The following ITFG1 variants were observed in gnomAD, a reference collection of about 807,000 sequenced individuals.
The protein encoded by ITFG1 is T-cell immunomodulatory protein.
A neutral mutation model predicts 81.8 loss-of-function variants in ITFG1; 34 were observed. The ratio of observed to expected loss-of-function variants is 0.42; its 90% CI spans 0.32 to 0.55. The LOEUF (loss-of-function observed/expected upper bound fraction) is 0.55. Ranked by LOEUF, ITFG1 falls within the 20% of genes least tolerant of loss-of-function variation. ITFG1 has a pLI of 0.17. For missense variants in ITFG1, 672 were observed against 755.4 expected (o/e 0.89, Z 1.29); for synonymous variants, 285 against 270.6 (o/e 1.05, Z -0.52).
intron 14 of ITFG1, among the ~76,000 whole-genome samples, chr16:47,169,151 A>G (rs1006689111): frequency 1.3e-5 from 2 of 152,096 alleles, no homozygotes; most frequent in Middle Eastern, 3.2e-3. Context: ...TTGAATTTGG[A>G]AAGTGTAAGT....
intron 10 of ITFG1, among the ~76,000 whole-genome samples, chr16:47,266,734 C>A (rs1038611226): frequency 6.6e-6 from 1 of 152,094 alleles, no homozygotes; most frequent in Admixed American, 6.5e-5. Context: ...CATGGCTACA[C>A]AGAAACTTAT....
rs1250031786 is a variant in ITFG1, at chr16:47,307,610, G to T, written c.1070+3630C>A. ...ATGACACAGAATGAGTTTACATCCA[G>T]GACAATATTTCTTTCTTCTTTTAAC... On this transcript the variant is annotated intron_variant, in intron 10 of 17. Transcript: ENST00000320640. Among the ~76,000 whole-genome samples the T allele has an allele frequency of 2.0e-5, 3 of 152,082 alleles. No homozygotes were observed. The East Asian group carries it at 5.8e-4, about 29-fold the overall frequency.
At chr16:47,193,308 T>C (rs865958147) in intron 14 of ITFG1, among the ~76,000 whole-genome samples, 5 of 152,152 alleles carry the variant, frequency 3.3e-5, no homozygotes, top group African/African-American at 9.6e-5. Context: ...ATCTATCCTT[T>C]ACATTTAAGT....
At chr16:47,188,530 G>A (rs987407626) in intron 14 of ITFG1, among the ~76,000 whole-genome samples, 2 of 146,140 alleles carry the variant, frequency 1.4e-5, no homozygotes, top group Admixed American at 7.1e-5. Context: ...ACCAAACACC[G>A]CATATTCTCA....
At chr16:47,439,439 G>T (rs1437430498) in intron 5 of ITFG1, among the ~76,000 whole-genome samples, 1 of 152,194 alleles carries the variant, frequency 6.6e-6, no homozygotes, top group Non-Finnish European at 1.5e-5. Context: ...CAGAGAGAAA[G>T]GTCGGGTAAC....
At chr16:47,443,717 G>C (rs1023771360) in intron 5 of ITFG1, among the ~76,000 whole-genome samples, 1 of 152,040 alleles carries the variant, frequency 6.6e-6, no homozygotes, top group Non-Finnish European at 1.5e-5. Context: ...ATGGACAGAG[G>C]AAGGGGAACA....
Position 47,443,822 on chromosome 16 carries a change from C to T in ITFG1, c.560+7574G>A, listed in dbSNP as rs145855181. On this transcript the variant is annotated intron_variant, in intron 5 of 17. Coordinates refer to ENST00000320640, the MANE Select transcript of ITFG1 (RefSeq NM_030790.5). ...AAATGACGAGTTAATGGGTGCAGCACACCAACATGGCACATGTATACATAT... is the reference window on the plus strand; with the variant it reads ...AAATGACGAGTTAATGGGTGCAGCATACCAACATGGCACATGTATACATAT... Among the ~76,000 whole-genome samples, 644 of 152,168 alleles carry T rather than the reference C, an allele frequency of 4.2e-3. 6 individuals carry two copies. Among genetic ancestry groups the T allele is most frequent in the African/African-American group, 0.015 (609 of 41,500 alleles).
Position 47,460,990 on chromosome 16 carries a change from G to C in ITFG1, c.56C>G (p.Ala19Gly). Reference sequence around the variant, plus strand: ...CCCGACTCCCAGTAGTGCAAGCCCTGCGAGGAGCGGCGAGAAGAGGGCCCA... The same window carrying C: ...CCCGACTCCCAGTAGTGCAAGCCCTCCGAGGAGCGGCGAGAAGAGGGCCCA... ...SSWALFSPLLAGLALLGVGPV... is the reference protein window; with the variant it reads ...SSWALFSPLLGGLALLGVGPV... The change falls in exon 1 of 18, where the codon GCA becomes GGA. Residue 19 changes from alanine to glycine, a missense_variant. Ala to Gly is a moderately conservative substitution (Grantham distance 60). Transcript: ENST00000320640. 6.4e-7 allele frequency: 1 copy of C among 1,573,434 alleles called. No homozygotes were observed. The highest frequency in any genetic ancestry group is 8.6e-7 in the Non-Finnish European group (1 of 1,159,956).
chr16:47,223,165 A>G (rs1433582800), intron 13 of ITFG1, among the ~76,000 whole-genome samples: 2 of 151,788 alleles, frequency 1.3e-5, no homozygotes, highest in Non-Finnish European at 2.9e-5. Flanking sequence ...CATTCAGGAC[A>G]TAGGCATGGG....
chr16:47,321,068 TG>T (rs1967440983), intron 8 of ITFG1, among the ~76,000 whole-genome samples: 1 of 152,224 alleles, frequency 6.6e-6, no homozygotes, highest in South Asian at 2.1e-4. Context: ...GAGTAGAACA[TG>T]GCATGACAGC....
intron 6 of ITFG1, among the ~76,000 whole-genome samples, chr16:47,419,437 T>A (rs898350500): frequency 6.6e-6 from 1 of 151,774 alleles, no homozygotes; most frequent in Admixed American, 6.6e-5. Flanking sequence ...TCCAGCTAAT[T>A]TTTTAGTACT....
intron 8 of ITFG1, among the ~76,000 whole-genome samples, chr16:47,348,753 A>C (rs1967900220): frequency 6.6e-6 from 1 of 152,190 alleles, no homozygotes; most frequent in Non-Finnish European, 1.5e-5. Context: ...CAAGACACAT[A>C]ATTGTTAGAT....
intron 6 of ITFG1, among the ~76,000 whole-genome samples, chr16:47,404,536 A>G (rs1476174482): frequency 6.6e-6 from 1 of 152,216 alleles, no homozygotes; most frequent in East Asian, 1.9e-4. Context: ...ACTCAATTCT[A>G]GCATGTCTCT....
rs916282624 is a variant in ITFG1 at position 47,281,765 on chromosome 16, CT to C, written c.1071-21071del. ...ATTGTTTAAAAACTAACAATCCTCT[CT>C]TTTTTTTTGTCAGTCTTGTTAGAGG... is the stretch of plus-strand genomic sequence containing the variant. On this transcript the variant is annotated intron_variant, in intron 10 of 17. Transcript: ENST00000320640. Among the ~76,000 whole-genome samples the C allele has an allele frequency of 3.8e-4, 57 of 150,726 alleles. 1 individual carries two copies. Among genetic ancestry groups the C allele is most frequent in the African/African-American group, 1.2e-3 (49 of 41,284 alleles).
chr16:47,295,354 G>C (rs1057451300), intron 10 of ITFG1, among the ~76,000 whole-genome samples: 2 of 152,060 alleles, frequency 1.3e-5, no homozygotes, highest in African/African-American at 2.4e-5. Flanking sequence ...CCTTCTCCTT[G>C]ATTTTTTGGA....
At chr16:47,238,078 C>T in intron 12 of ITFG1, 70 bp from the exon 13 acceptor site, 2 of 844,098 alleles carry the variant, frequency 2.4e-6, no homozygotes, top group South Asian at 1.6e-5. Flanking sequence ...AATTTTCTCC[C>T]TAAGATCCAT....
At position 47,201,527 on chromosome 16, in the gene ITFG1, C is replaced by T. The variant is rs187482565; in HGVS notation, c.1453+17341G>A. ...CGGCTAGGAGAAAATTTTTATTTTG[C>T]CCTTATTTAGAACTAAAAATATCTT... On this transcript the variant is annotated intron_variant, in intron 14 of 17. Coordinates refer to ENST00000320640, the MANE Select transcript of ITFG1 (RefSeq NM_030790.5). Among the ~76,000 whole-genome samples, 1,179 of 152,078 alleles carry T rather than the reference C, an allele frequency of 7.8e-3. 10 individuals are homozygous for T. The highest frequency in any genetic ancestry group is 0.012 in the Non-Finnish European group (795 of 67,992).
rs1966860924 is a variant in ITFG1 at position 47,283,939 on chromosome 16, C to A, written c.1071-23244G>T. Among the ~76,000 whole-genome samples the A allele has an allele frequency of 1.3e-5, 2 of 152,184 alleles. 1 individual carries two copies. The highest frequency in any genetic ancestry group is 4.1e-4 in the South Asian group (2 of 4,828). ...AAAAAGACATGCAGAACTGATATAT[C>A]TGATATTAAGGGTAAATCTTGAAAA... On this transcript the variant is annotated intron_variant, in intron 10 of 17. Transcript: ENST00000320640.
chr16:47,342,012 C>T lies in ITFG1; in HGVS notation c.802+23776G>A, dbSNP rs190071292. 1.7e-3 allele frequency among the ~76,000 whole-genome samples: 262 copies of T among 152,262 alleles called. 4 individuals carry two copies. Among genetic ancestry groups the T allele is most frequent in the Non-Finnish European group, 4.1e-4 (28 of 68,018 alleles). On this transcript the variant is annotated intron_variant, in intron 8 of 17. Coordinates refer to ENST00000320640, the MANE Select transcript of ITFG1 (RefSeq NM_030790.5). ...CATTTAAAGAAGAATTAGCATCAAACCTTCTCAAATTCTTCCAGAAAAAGA... is the reference window on the plus strand; with the variant it reads ...CATTTAAAGAAGAATTAGCATCAAATCTTCTCAAATTCTTCCAGAAAAAGA...
Sources: gnomAD v4.1 joint callset for allele counts (sites outside exome capture counted in the v4.1 genomes callset) on GRCh38, gnomAD v4.1.1 for gene constraint, MANE v1.5 for transcripts, NCBI Gene and HGNC (gene_info 2026-07-23, HGNC 2026-07-21) for gene names.